The following MEGF9 variants were observed in gnomAD, a reference collection of about 807,000 sequenced individuals.
MEGF9 encodes the protein multiple EGF like domains 9.
A neutral mutation model predicts 46.8 loss-of-function variants in MEGF9; 6 were observed. The ratio of observed to expected loss-of-function variants is 0.13; its 90% CI spans 0.07 to 0.25. The LOEUF is 0.25. MEGF9 is among the 10% of genes least tolerant of loss of function. The pLI is 1.00. For synonymous variants in MEGF9, 302 were observed against 330.7 expected (o/e 0.91, Z 0.94); for missense variants, 683 against 792.4 (o/e 0.86, Z 1.66).
chr9:120,710,424 TAAAAAA>T (rs61674473), intron 1 of MEGF9, among the ~76,000 whole-genome samples: 4 of 99,986 alleles, frequency 4.0e-5, no homozygotes, highest in East Asian at 2.8e-4. Context: ...AACTCCGTCT[TAAAAAA>T]AAAAAAAAAA....
intron 1 of MEGF9, among the ~76,000 whole-genome samples, chr9:120,674,187 C>T (rs2043762812): frequency 6.6e-6 from 1 of 151,970 alleles, no homozygotes; most frequent in African/African-American, 2.4e-5. Context: ...CAAAAGACTG[C>T]TAAGAAAATA....
chr9:120,663,235 T>G (rs2043710506), intron 1 of MEGF9, among the ~76,000 whole-genome samples: 1 of 152,174 alleles, frequency 6.6e-6, no homozygotes, highest in Admixed American at 6.5e-5. Context: ...ATCTTTTCTG[T>G]GTGTAACTCA....
rs34861368 is a variant in MEGF9 at position 120,637,790 on chromosome 9, C to CAAAAAAAAAA, written c.804-15045_804-15036dup. Among the ~76,000 whole-genome samples the CAAAAAAAAAA allele has an allele frequency of 4.3e-3, 150 of 34,786 alleles. 31 individuals are homozygous for CAAAAAAAAAA. Among genetic ancestry groups the CAAAAAAAAAA allele is most frequent in the African/African-American group, 0.016 (142 of 8,960 alleles). 22.8% of individuals were successfully genotyped at this position (34,786 alleles called of 152,430 possible). On this transcript the variant is annotated intron_variant, in intron 2 of 5. Transcript: ENST00000373930. ...AGGGCAACAGGGCAAGACTCTGTCTCAAAAAAAAAAAAAAAAAAAAAAAAA... is the reference window on the plus strand; with the variant it reads ...AGGGCAACAGGGCAAGACTCTGTCTCAAAAAAAAAAAAAAAAAAAAAAAAAAAAAAAAAAA...
chr9:120,610,773 A>G (rs1421293088), intron 4 of MEGF9, among the ~76,000 whole-genome samples: 3 of 152,212 alleles, frequency 2.0e-5, no homozygotes, highest in Non-Finnish European at 4.4e-5. Flanking sequence ...TGAAGCAGGT[A>G]ACATTTGAAT....
rs200238306 is a variant in MEGF9 at position 120,698,775 on chromosome 9, A to G, written c.601+14983T>C. The stretch of plus-strand genomic sequence containing the variant: ...TTGATCAATTTAATCCCCTCTCAAT[A>G]ACACTATGATTCATTACTGCTTGGA... On this transcript the variant is annotated intron_variant, in intron 1 of 5. Transcript: ENST00000373930. 3.9e-5 allele frequency among the ~76,000 whole-genome samples: 6 copies of G among 152,330 alleles called. No homozygotes were observed. In the East Asian group the frequency reaches 1.2e-3, roughly 29 times the overall value.
chr9:120,654,595 A>C (rs951779653), intron 2 of MEGF9, among the ~76,000 whole-genome samples: 1 of 152,230 alleles, frequency 6.6e-6, no homozygotes, highest in Non-Finnish European at 1.5e-5. Flanking sequence ...TTAATAATGA[A>C]AATAAATGAC....
At chr9:120,678,438 C>T (rs2043783297) in intron 1 of MEGF9, among the ~76,000 whole-genome samples, 1 of 152,130 alleles carries the variant, frequency 6.6e-6, no homozygotes, top group Admixed American at 6.5e-5. Flanking sequence ...TCCACATCCT[C>T]ACCAGCATTT....
intron 1 of MEGF9, among the ~76,000 whole-genome samples, chr9:120,676,886 T>C (rs1198489216): frequency 6.6e-6 from 1 of 152,214 alleles, no homozygotes; most frequent in African/African-American, 2.4e-5. Context: ...TCCCAGTTTA[T>C]TAAGAGGAAA....
At chr9:120,679,588 C>T (rs151050157) in intron 1 of MEGF9, among the ~76,000 whole-genome samples, 2 of 151,864 alleles carry the variant, frequency 1.3e-5, no homozygotes, top group East Asian at 1.9e-4. Flanking sequence ...CAAACCTGAT[C>T]GTTGTGCACA....
chr9:120,639,611 C>T (rs1196110544), intron 2 of MEGF9, among the ~76,000 whole-genome samples: 1 of 150,426 alleles, frequency 6.6e-6, no homozygotes, highest in Non-Finnish European at 1.5e-5. Context: ...ATTACTTAAT[C>T]TCTTTATGCC....
At chr9:120,706,505 TTAATA>T (rs1198211426) in intron 1 of MEGF9, among the ~76,000 whole-genome samples, 1 of 152,124 alleles carries the variant, frequency 6.6e-6, no homozygotes, top group Non-Finnish European at 1.5e-5. Context: ...GAGCTATAAT[TTAATA>T]TAACAATTGT....
intron 1 of MEGF9, among the ~76,000 whole-genome samples, chr9:120,682,591 G>GCA (rs1412737959): frequency 5.9e-5 from 7 of 118,000 alleles, no homozygotes; most frequent in Non-Finnish European, 1.1e-4. Context: ...ACACACACAC[G>GCA]CACACACATA....
rs368816134 is a variant in MEGF9, at chr9:120,636,179, C to G, written c.804-13424G>C. ...TCTTGAACTCCTGACCTCAAGTAAT[C>G]CACCCATCTTGGCCTCCCAAAGTGC... On this transcript the variant is annotated intron_variant, in intron 2 of 5. Transcript: ENST00000373930. Among the ~76,000 whole-genome samples the G allele has an allele frequency of 8.5e-5, 13 of 152,284 alleles. No individual in the cohort carries two copies. In the South Asian group the frequency reaches 2.7e-3, roughly 32 times the overall value.
chr9:120,688,133 A>G (rs1370460299), intron 1 of MEGF9, among the ~76,000 whole-genome samples: 2 of 30,316 alleles, frequency 6.6e-5, no homozygotes, highest in East Asian at 2.9e-3. Context: ...TCTCCGCAAC[A>G]CACACACACA....
At chr9:120,709,350 T>C (rs564908511) in intron 1 of MEGF9, among the ~76,000 whole-genome samples, 1 of 151,404 alleles carries the variant, frequency 6.6e-6, no homozygotes, top group East Asian at 1.9e-4. Flanking sequence ...GAGGCGGAGG[T>C]TGCAGTGGGC....
At chr9:120,707,225 A>G (rs1329547952) in intron 1 of MEGF9, among the ~76,000 whole-genome samples, 1 of 152,210 alleles carries the variant, frequency 6.6e-6, no homozygotes, top group African/African-American at 2.4e-5. Context: ...TGTAATTACT[A>G]TTATAGTAGT....
chr9:120,677,500 A>G (rs755097615), intron 1 of MEGF9, among the ~76,000 whole-genome samples: 13 of 152,184 alleles, frequency 8.5e-5, no homozygotes, highest in Non-Finnish European at 1.5e-4. Flanking sequence ...GGTGTGGGGT[A>G]GGAGGGAAGC....
intron 2 of MEGF9, among the ~76,000 whole-genome samples, chr9:120,623,243 C>G (rs1186261212): frequency 1.3e-5 from 2 of 152,072 alleles, no homozygotes; most frequent in Non-Finnish European, 2.9e-5. Flanking sequence ...TAAATTGGTA[C>G]AAGAAATTTG....
chr9:120,624,054 G>A (rs2043513110), intron 2 of MEGF9, among the ~76,000 whole-genome samples: 1 of 152,204 alleles, frequency 6.6e-6, no homozygotes, highest in Non-Finnish European at 1.5e-5. Flanking sequence ...TATAGCCAAT[G>A]TTCCCAAAGT....
Sources: gnomAD v4.1 joint callset for allele counts (sites outside exome capture counted in the v4.1 genomes callset) on GRCh38, gnomAD v4.1.1 for gene constraint, MANE v1.5 for transcripts, NCBI Gene and HGNC (gene_info 2026-07-23, HGNC 2026-07-21) for gene names.